Variants in CTNND2 observed in about 807,000 individuals in gnomAD.
CTNND2 encodes the protein catenin delta 2.
In CTNND2, 22 loss-of-function variants were observed where a neutral mutation model predicts 144.4. That is an observed-to-expected ratio of 0.15 (90% CI 0.11 to 0.22). The LOEUF is 0.22. CTNND2 is among the 10% of genes least tolerant of loss of function. CTNND2 has a pLI of 1.00. For synonymous variants in CTNND2, 751 were observed against 695.6 expected (o/e 1.08, Z -1.25); for missense variants, 1,353 against 1,618.8 (o/e 0.84, Z 2.82).
At chr5:11,049,851 T>C (rs1284891230) in intron 16 of CTNND2, among the ~76,000 whole-genome samples, 1 of 152,254 alleles carries the variant, frequency 6.6e-6, no homozygotes, top group East Asian at 1.9e-4. Flanking sequence ...ATTTAAATAC[T>C]AACTTTGTAA....
At chr5:11,896,005 T>A (rs1317674188) in intron 1 of CTNND2, among the ~76,000 whole-genome samples, 4 of 151,910 alleles carry the variant, frequency 2.6e-5, no homozygotes, top group Non-Finnish European at 4.4e-5. Flanking sequence ...CTGAGAGAAA[T>A]ATAAATTATA....
chr5:11,692,202 G>A (rs1196798903), intron 2 of CTNND2, among the ~76,000 whole-genome samples: 1 of 152,126 alleles, frequency 6.6e-6, no homozygotes, highest in East Asian at 1.9e-4. Context: ...TTTAATCCTG[G>A]TTAATTCTGG....
intron 10 of CTNND2, among the ~76,000 whole-genome samples, chr5:11,208,504 C>T (rs1304338956): frequency 1.3e-5 from 2 of 151,984 alleles, no homozygotes; most frequent in African/African-American, 4.8e-5. Context: ...GAAAAAAACT[C>T]CAGAAAAGAT....
At chr5:11,662,869 T>C (rs1783350477) in intron 2 of CTNND2, among the ~76,000 whole-genome samples, 1 of 152,094 alleles carries the variant, frequency 6.6e-6, no homozygotes, top group Non-Finnish European at 1.5e-5. Context: ...GGCCATGGTG[T>C]CGAAAAGGCT....
At chr5:11,737,522 G>C (rs937161171) in intron 1 of CTNND2, among the ~76,000 whole-genome samples, 2 of 152,188 alleles carry the variant, frequency 1.3e-5, no homozygotes, top group Admixed American at 6.5e-5. Context: ...TCTTCTAGCA[G>C]AACTTGGTAC....
At chr5:11,027,973 T>C (rs748164221) in intron 16 of CTNND2, among the ~76,000 whole-genome samples, 2 of 152,252 alleles carry the variant, frequency 1.3e-5, no homozygotes, top group African/African-American at 2.4e-5. Context: ...TTGTTACTGA[T>C]GTGCATACTA....
chr5:11,518,081 C>G (rs573664858), intron 3 of CTNND2, among the ~76,000 whole-genome samples: 3 of 152,182 alleles, frequency 2.0e-5, no homozygotes, highest in East Asian at 1.9e-4. Context: ...AGTCACACGA[C>G]GTCACATAAC....
At chr5:11,849,791 G>A (rs1794928467) in intron 1 of CTNND2, among the ~76,000 whole-genome samples, 1 of 152,154 alleles carries the variant, frequency 6.6e-6, no homozygotes, top group South Asian at 2.1e-4. Context: ...CACTTAGACT[G>A]GCACAGTGAG....
intron 9 of CTNND2, among the ~76,000 whole-genome samples, chr5:11,328,177 ACT>A (rs1293236952): frequency 6.6e-5 from 10 of 151,960 alleles, no homozygotes; most frequent in Non-Finnish European, 1.0e-4. Flanking sequence ...TAGAAAAATG[ACT>A]CTTTTTTCCA....
At chr5:11,504,927 A>G (rs1770877003) in intron 3 of CTNND2, among the ~76,000 whole-genome samples, 1 of 151,972 alleles carries the variant, frequency 6.6e-6, no homozygotes, top group Non-Finnish European at 1.5e-5. Flanking sequence ...GAACCTGGTA[A>G]GCCTCCCATC....
chr5:11,081,762 T>C (rs1749595869), intron 16 of CTNND2, among the ~76,000 whole-genome samples: 1 of 152,230 alleles, frequency 6.6e-6, no homozygotes, highest in Admixed American at 6.5e-5. Flanking sequence ...ATTCCATTTA[T>C]ACCAAATACC....
chr5:11,796,458 C>A (rs1019608732), intron 1 of CTNND2, among the ~76,000 whole-genome samples: 5 of 152,164 alleles, frequency 3.3e-5, no homozygotes, highest in Admixed American at 1.3e-4. Flanking sequence ...CTTTCATTTG[C>A]AGTAATATTT....
chr5:11,384,763 G>A lies in CTNND2; in HGVS notation c.1079C>T (p.Ser360Leu), dbSNP rs1166179818. ...CGCGTGGACCAGGCGCTTGGTGGGC[G>A]ACAGGGTGGCGTACGTGCCGATGGT... is the stretch of plus-strand genomic sequence containing the variant. ...SSTIGTYATL[S>L]PTKRLVHASE... Residue 360 changes from serine (S) to leucine (L), a missense_variant, in exon 7 of 22, where the codon TCG (serine) becomes TTG (leucine). By Grantham distance (145) the Ser-to-Leu change is moderately radical. Around this residue, in one of 4 missense-constraint regions of CTNND2, gnomAD observed 708 missense variants for 706.4 expected, o/e 1.00. Coordinates refer to ENST00000304623, the MANE Select transcript of CTNND2 (RefSeq NM_001332.4). This position sits in a 1 kb window ranked among gnomAD's most constrained non-coding sequence, Gnocchi z 5.2. 1.2e-6 allele frequency: 2 copies of A among 1,612,996 alleles called. No individual in the cohort carries two copies. Among genetic ancestry groups the A allele is most frequent in the Non-Finnish European group, 1.7e-6 (2 of 1,179,706 alleles).
intron 1 of CTNND2, among the ~76,000 whole-genome samples, chr5:11,771,812 T>C (rs1266192268): frequency 2.0e-5 from 3 of 151,810 alleles, no homozygotes; most frequent in Non-Finnish European, 2.9e-5. Context: ...GCTTGTTCAC[T>C]TCCTTAAGAT....
chr5:11,193,251 G>A (rs557310210), intron 11 of CTNND2, among the ~76,000 whole-genome samples: 3 of 152,134 alleles, frequency 2.0e-5, no homozygotes, highest in Non-Finnish European at 4.4e-5. Context: ...AATGGCAAGA[G>A]GTATTGATTC....
chr5:11,294,871 T>C (rs1430856541), intron 9 of CTNND2, among the ~76,000 whole-genome samples: 2 of 152,138 alleles, frequency 1.3e-5, no homozygotes, highest in Non-Finnish European at 2.9e-5. Flanking sequence ...CCGCAGCCAA[T>C]ATCATACTGA....
chr5:11,116,074 A>G, intron 13 of CTNND2, among the ~76,000 whole-genome samples: 1 of 152,260 alleles, frequency 6.6e-6, no homozygotes, highest in East Asian at 1.9e-4. Flanking sequence ...AAATTACCTG[A>G]TGAACTTTTA....
At chr5:11,888,898 C>T (rs896123318) in intron 1 of CTNND2, among the ~76,000 whole-genome samples, 2 of 151,938 alleles carry the variant, frequency 1.3e-5, no homozygotes, top group African/African-American at 2.4e-5. Flanking sequence ...ATTACAGGCA[C>T]GTACCACCAT....
At chr5:11,144,250 T>C (rs1757036280) in intron 12 of CTNND2, among the ~76,000 whole-genome samples, 1 of 152,214 alleles carries the variant, frequency 6.6e-6, no homozygotes, top group Non-Finnish European at 1.5e-5. Flanking sequence ...TCTGTTTTCA[T>C]TGTCTTATTT....
Sources: gnomAD v4.1 joint callset for allele counts (sites outside exome capture counted in the v4.1 genomes callset) on GRCh38, gnomAD v4.1.1 for gene constraint, gnomAD v4.1.1 regional missense constraint, Gnocchi (gnomAD v3.1) non-coding constraint, MANE v1.5 for transcripts, NCBI Gene and HGNC (gene_info 2026-07-23, HGNC 2026-07-21) for gene names.